DLG2: variants seen among roughly 807,000 people sequenced by gnomAD.
DLG2 encodes disks large homolog 2.
Under a neutral mutation model 132.5 loss-of-function variants are expected in DLG2, and 45 were observed. The observed-to-expected ratio is 0.34, with a 90% CI of 0.27 to 0.44. The LOEUF is 0.44. Ranked by LOEUF, DLG2 falls within the 20% of genes least tolerant of loss-of-function variation. The pLI, the probability that DLG2 is intolerant of heterozygous loss-of-function variation, is 1.00. For missense variants in DLG2, 1,045 were observed against 1,196.9 expected, an observed-to-expected ratio of 0.87 and a Z score of 1.87; for synonymous variants, 424 against 419.6, an observed-to-expected ratio of 1.01 and a Z score of -0.13.
intron 15 of DLG2, among the ~76,000 whole-genome samples, chr11:83,881,460 G>A (rs1389489110): frequency 2.0e-5 from 3 of 152,146 alleles, no homozygotes; most frequent in Admixed American, 6.5e-5. Context: ...GAGCATTTAA[G>A]ATGTGTTGGC....
intron 18 of DLG2, among the ~76,000 whole-genome samples, chr11:83,689,967 TATTTA>T: frequency 1.6e-5 from 2 of 125,636 alleles, no homozygotes; most frequent in African/African-American, 6.1e-5. Flanking sequence ...ATATAATATA[TATTTA>T]TATTATAATA....
intron 14 of DLG2, among the ~76,000 whole-genome samples, chr11:83,955,866 T>C (rs556400201): frequency 1.3e-5 from 2 of 152,324 alleles, no homozygotes; most frequent in East Asian, 3.9e-4. Context: ...TTTGGGACTC[T>C]TGGACCTTTG....
chr11:84,681,217 A>T (rs997449425), intron 6 of DLG2, among the ~76,000 whole-genome samples: 1 of 152,212 alleles, frequency 6.6e-6, no homozygotes, highest in Admixed American at 6.5e-5. Flanking sequence ...ACCACTTCAA[A>T]CTAATCATTT....
At chr11:85,395,884 C>A (rs996697574) in intron 3 of DLG2, among the ~76,000 whole-genome samples, 3 of 152,172 alleles carry the variant, frequency 2.0e-5, no homozygotes, top group African/African-American at 4.8e-5. Context: ...TTTAAACATC[C>A]CTGTCTGACA....
intron 3 of DLG2, among the ~76,000 whole-genome samples, chr11:85,495,625 G>C (rs1042569856): frequency 1.1e-4 from 17 of 152,080 alleles, no homozygotes; most frequent in Non-Finnish European, 2.9e-5. Context: ...AAAAACTCAG[G>C]AAACAACAGA....
chr11:83,743,449 T>TTTTTA (rs1555372680), intron 18 of DLG2, among the ~76,000 whole-genome samples: 257 of 123,836 alleles, frequency 2.1e-3, no homozygotes, highest in African/African-American at 4.5e-3. Flanking sequence ...TTTTTTTTTT[T>TTTTTA]ATGACAGGGT....
intron 6 of DLG2, among the ~76,000 whole-genome samples, chr11:84,673,770 A>T (rs1274106218): frequency 6.6e-6 from 1 of 152,104 alleles, no homozygotes; most frequent in African/African-American, 2.4e-5. Flanking sequence ...CCTTAACATC[A>T]GAGTCTGCAA....
At chr11:83,745,599 C>T (rs544445711) in intron 18 of DLG2, among the ~76,000 whole-genome samples, 272 of 151,960 alleles carry the variant, frequency 1.8e-3, no homozygotes, top group Non-Finnish European at 3.3e-3. Flanking sequence ...GTCAGGAGTT[C>T]GAGACCAGCC....
At chr11:85,581,592 T>A (rs780576295) in intron 3 of DLG2, among the ~76,000 whole-genome samples, 1 of 152,082 alleles carries the variant, frequency 6.6e-6, no homozygotes, top group Non-Finnish European at 1.5e-5. Context: ...CACTCCAGCC[T>A]GGTGACAGAG....
chr11:84,171,941 G>T (rs2095833837), intron 8 of DLG2, among the ~76,000 whole-genome samples: 1 of 152,052 alleles, frequency 6.6e-6, no homozygotes, highest in African/African-American at 2.4e-5. Context: ...CTTCACTAAA[G>T]ATAGTGACCA....
At chr11:84,770,055 A>T (rs1043661060) in intron 6 of DLG2, among the ~76,000 whole-genome samples, 2 of 152,158 alleles carry the variant, frequency 1.3e-5, no homozygotes, top group Non-Finnish European at 1.5e-5. Flanking sequence ...TGTGTGGGTT[A>T]TGGAGGTAGA....
chr11:84,178,687 G>A (rs551742812), intron 8 of DLG2, among the ~76,000 whole-genome samples: 15 of 151,814 alleles, frequency 9.9e-5, no homozygotes, highest in African/African-American at 2.7e-4. Context: ...ATCTGGCTAC[G>A]TTGATCTAAA....
intron 11 of DLG2, among the ~76,000 whole-genome samples, chr11:84,004,351 A>G (rs989075659): frequency 1.1e-4 from 17 of 152,272 alleles, no homozygotes; most frequent in Admixed American, 2.0e-4. Flanking sequence ...TGATCATCTC[A>G]TCAGATGCAG....
At chr11:84,409,249 A>C in intron 7 of DLG2, among the ~76,000 whole-genome samples, 1 of 152,208 alleles carries the variant, frequency 6.6e-6, no homozygotes, top group Non-Finnish European at 1.5e-5. Flanking sequence ...TTTAGCAATT[A>C]GGATGAATCA....
intron 7 of DLG2, among the ~76,000 whole-genome samples, chr11:84,365,395 TTCTC>T (rs1018714936): frequency 3.3e-5 from 5 of 152,162 alleles, no homozygotes; most frequent in Admixed American, 2.0e-4. Context: ...TATTTGATTC[TTCTC>T]TCTTTTTTTT....
At chr11:84,208,274 A>G (rs1008945413) in intron 8 of DLG2, among the ~76,000 whole-genome samples, 1 of 149,822 alleles carries the variant, frequency 6.7e-6, no homozygotes, top group Non-Finnish European at 1.5e-5. Context: ...ACTTTGGTGC[A>G]CTCTCTCAGG....
At chr11:85,447,497 G>A (rs2092063496) in intron 3 of DLG2, among the ~76,000 whole-genome samples, 1 of 152,038 alleles carries the variant, frequency 6.6e-6, no homozygotes, top group South Asian at 2.1e-4. Context: ...ACAATACAAG[G>A]GGAAGATAGC....
intron 7 of DLG2, among the ~76,000 whole-genome samples, chr11:84,416,363 G>A (rs1036827748): frequency 3.3e-5 from 5 of 152,160 alleles, no homozygotes; most frequent in African/African-American, 1.2e-4. Context: ...GATGTCTATG[G>A]ATGTACAGCA....
chr11:85,546,818 C>CTTTTTTTTTTTTTTTTTTT (rs34822004), intron 3 of DLG2, among the ~76,000 whole-genome samples: 2 of 68,972 alleles, frequency 2.9e-5, no homozygotes, highest in African/African-American at 6.1e-5. Flanking sequence ...ATAACCCCTG[C>CTTTTTTTTTTTTTTTTTTT]TTTTTTTTTT....
Sources: gnomAD v4.1 joint callset for allele counts (sites outside exome capture counted in the v4.1 genomes callset) on GRCh38, gnomAD v4.1.1 for gene constraint, MANE v1.5 for transcripts, NCBI Gene and HGNC (gene_info 2026-07-23, HGNC 2026-07-21) for gene names.